FGGY: variants seen among roughly 807,000 people sequenced by gnomAD.
FGGY encodes the protein FGGY carbohydrate kinase domain containing, also known as FGGY carbohydrate kinase domain-containing protein.
A neutral mutation model predicts 71.3 loss-of-function variants in FGGY; 72 were observed. The ratio of observed to expected loss-of-function variants is 1.01; its 90% CI spans 0.84 to 1.23. The LOEUF (loss-of-function observed/expected upper bound fraction) is 1.23, where lower values mean the gene tolerates loss of function less well. Among genes scored for constraint, FGGY ranks in the 50% most tolerant of loss-of-function variants. The probability of loss-of-function intolerance (pLI) is 0.00; values close to 1 mark genes in which losing one functional copy is unlikely to be tolerated. For synonymous variants in FGGY, 251 were observed against 250.3 expected (o/e 1.00, Z -0.02); for missense variants, 668 against 682.3 (o/e 0.98, Z 0.23).
intron 6 of FGGY, among the ~76,000 whole-genome samples, chr1:59,490,524 T>C (rs2093796912): frequency 6.6e-6 from 1 of 152,188 alleles, no homozygotes; most frequent in African/African-American, 2.4e-5. Context: ...TAGTTTGACA[T>C]AATTCCCTTT....
intron 14 of FGGY, among the ~76,000 whole-genome samples, chr1:59,722,842 G>A (rs190226545): frequency 2.6e-5 from 4 of 152,200 alleles, no homozygotes; most frequent in Non-Finnish European, 5.9e-5. Context: ...TCTCACCCAG[G>A]CTAGAGTGCA....
rs539617364 is a variant in FGGY, at chr1:59,402,359, T to A, written c.554+23522T>A. 2.0e-5 allele frequency among the ~76,000 whole-genome samples: 3 copies of A among 152,328 alleles called. No homozygotes were observed. The East Asian group carries it at 5.8e-4, about 29-fold the overall frequency. On this transcript the variant is annotated intron_variant, in intron 5 of 15. Coordinates refer to ENST00000303721, the MANE Select transcript of FGGY (RefSeq NM_018291.5). ...TGCCTTTCCCTAATGCATCTTCATGTCTTTAAGGACAAAGATGTAGGACCA... is the reference window on the plus strand; with the variant it reads ...TGCCTTTCCCTAATGCATCTTCATGACTTTAAGGACAAAGATGTAGGACCA...
chr1:59,667,216 T>C, intron 12 of FGGY, 67 bp from the exon 13 acceptor site: 4 of 1,600,374 alleles, frequency 2.5e-6, no homozygotes, highest in Non-Finnish European at 3.4e-6. Context: ...AGTAGACATT[T>C]AAGAAGTGTT....
chr1:59,455,899 A>C (rs1426546881), intron 5 of FGGY, among the ~76,000 whole-genome samples: 3 of 152,256 alleles, frequency 2.0e-5, no homozygotes, highest in Admixed American at 2.0e-4. Context: ...GACTTTCTTC[A>C]GAGAACTGTA....
At chr1:59,757,059 A>G (rs1464021366) in intron 14 of FGGY, among the ~76,000 whole-genome samples, 1 of 152,214 alleles carries the variant, frequency 6.6e-6, no homozygotes, top group Non-Finnish European at 1.5e-5. Context: ...ATGTGATCCC[A>G]GAATGACTGC....
chr1:59,381,782 C>T (rs551733196), intron 5 of FGGY, among the ~76,000 whole-genome samples: 1 of 152,130 alleles, frequency 6.6e-6, no homozygotes, highest in South Asian at 2.1e-4. Context: ...CCTCAGTTAT[C>T]CCATACTGTA....
chr1:59,298,425 CAT>C lies in FGGY; in HGVS notation c.-15+1276_-15+1277del, dbSNP rs141725119. 7.7e-3 allele frequency among the ~76,000 whole-genome samples: 1,171 copies of C among 152,250 alleles called. 13 individuals carry two copies. The highest frequency in any genetic ancestry group is 0.027 in the African/African-American group (1,108 of 41,516). On this transcript the variant is annotated intron_variant, in intron 1 of 15. Transcript: ENST00000303721. ...GCCTGGCTGGATTTGGAAGTCAAAA[CAT>C]GTGTGCTGGGAGAAGGGCATAACCC...
At chr1:59,454,364 T>C (rs2153506225) in intron 5 of FGGY, among the ~76,000 whole-genome samples, 1 of 152,280 alleles carries the variant, frequency 6.6e-6, no homozygotes, top group East Asian at 1.9e-4. Context: ...GGAGTTAGCA[T>C]ATTGTATACT....
At chr1:59,644,704 G>A (rs2097073715) in intron 11 of FGGY, among the ~76,000 whole-genome samples, 1 of 151,932 alleles carries the variant, frequency 6.6e-6, no homozygotes, top group South Asian at 2.1e-4. Context: ...TAGGCCGGGT[G>A]CGGTGGCTCA....
At chr1:59,470,403 C>T (rs1405941312) in intron 6 of FGGY, among the ~76,000 whole-genome samples, 1 of 152,052 alleles carries the variant, frequency 6.6e-6, no homozygotes, top group Non-Finnish European at 1.5e-5. Context: ...CTGAAGGGGA[C>T]ATTCAAACCA....
intron 8 of FGGY, among the ~76,000 whole-genome samples, chr1:59,589,089 A>T (rs953333701): frequency 6.6e-6 from 1 of 152,208 alleles, no homozygotes; most frequent in Non-Finnish European, 1.5e-5. Context: ...AAAAGGATGG[A>T]GGAAGATCTC....
intron 5 of FGGY, among the ~76,000 whole-genome samples, chr1:59,409,749 C>T (rs1005169542): frequency 3.9e-5 from 6 of 152,008 alleles, no homozygotes; most frequent in Non-Finnish European, 7.4e-5. Context: ...TCATTTCCTC[C>T]TTGGTTTACA....
chr1:59,718,716 C>T (rs1450498529), intron 14 of FGGY, among the ~76,000 whole-genome samples: 1 of 152,130 alleles, frequency 6.6e-6, no homozygotes, highest in African/African-American at 2.4e-5. Flanking sequence ...TTGAATTTGT[C>T]CCATACCACC....
intron 8 of FGGY, among the ~76,000 whole-genome samples, chr1:59,555,224 A>G (rs2095666518): frequency 6.6e-6 from 1 of 152,200 alleles, no homozygotes; most frequent in South Asian, 2.1e-4. Context: ...GAGGCCCCCC[A>G]ATGTAGATAC....
chr1:59,726,195 G>T (rs2097946081), intron 14 of FGGY, among the ~76,000 whole-genome samples: 2 of 151,950 alleles, frequency 1.3e-5, no homozygotes, highest in South Asian at 2.1e-4. Context: ...TTATATAATT[G>T]TTTTTATTTA....
chr1:59,456,927 G>T, intron 5 of FGGY, 34 bp from the exon 6 acceptor site: 1 of 1,500,080 alleles, frequency 6.7e-7, no homozygotes, highest in Non-Finnish European at 9.3e-7. Context: ...CACTCATATG[G>T]TCAGTTCTAT....
At chr1:59,745,119 T>C (rs2098184453) in intron 14 of FGGY, among the ~76,000 whole-genome samples, 1 of 152,210 alleles carries the variant, frequency 6.6e-6, no homozygotes, top group South Asian at 2.1e-4. Flanking sequence ...AGATTCGATG[T>C]CTTTGCTTGT....
At chr1:59,374,363 C>T (rs2058271512) in intron 4 of FGGY, among the ~76,000 whole-genome samples, 2 of 152,208 alleles carry the variant, frequency 1.3e-5, no homozygotes, top group African/African-American at 4.8e-5. Flanking sequence ...GATATCATCT[C>T]ACACCAGTTA....
chr1:59,304,309 A>G (rs77055614), intron 1 of FGGY, among the ~76,000 whole-genome samples: 284 of 152,126 alleles, frequency 1.9e-3, no homozygotes, highest in African/African-American at 6.4e-3. Flanking sequence ...AGTTTTTCCA[A>G]CACCATTTAT....
Sources: gnomAD v4.1 joint callset for allele counts (sites outside exome capture counted in the v4.1 genomes callset) on GRCh38, gnomAD v4.1.1 for gene constraint, MANE v1.5 for transcripts, NCBI Gene and HGNC (gene_info 2026-07-23, HGNC 2026-07-21) for gene names.